PDGFB: variants seen among roughly 807,000 people sequenced by gnomAD.
PDGFB encodes the protein platelet derived growth factor subunit B, also known as platelet-derived growth factor subunit B.
PDGFB carries 6 observed loss-of-function variants against 29.0 expected under a neutral mutation model. The ratio of observed to expected loss-of-function variants is 0.21; its 90% CI spans 0.11 to 0.41. PDGFB has a LOEUF of 0.41. Among genes scored for constraint, PDGFB ranks in the 10% least tolerant of loss-of-function variants. The pLI is 1.00. For missense variants in PDGFB, 299 were observed against 341.8 expected, an observed-to-expected ratio of 0.87 and a Z score of 0.99; for synonymous variants, 144 against 140.8, an observed-to-expected ratio of 1.02 and a Z score of -0.16.
chr22:39,236,048 G>A (rs986850332), intron 1 of PDGFB, among the ~76,000 whole-genome samples, 174 bp from the exon 2 acceptor site: 1 of 152,214 alleles, frequency 6.6e-6, no homozygotes, highest in Non-Finnish European at 1.5e-5. Context: ...CTCGGGGCCT[G>A]GACCTGCCGA....
intron 1 of PDGFB, among the ~76,000 whole-genome samples, chr22:39,241,463 T>G (rs1932566996): frequency 1.3e-5 from 2 of 152,298 alleles, no homozygotes; most frequent in Admixed American, 6.5e-5. Flanking sequence ...CTTCATAAAC[T>G]GCAAAGTGCC....
In PDGFB at chr22:39,230,109, G is replaced by A. The variant is rs1229918721; in HGVS notation, c.576C>T (p.Ser192=). The stretch of plus-strand genomic sequence containing the variant: ...CTCGCTGCTCCTGGGAACCCCCCGG[G>A]CTTCGGGTCACAGGCCGTGCAGCTG... ...TVAAARPVTR[S]PGGSQEQRAK... Residue 192 remains serine, a synonymous_variant, in exon 5 of 7, where the codon AGC becomes AGT. Transcript: ENST00000331163. The A allele has an allele frequency of 1.2e-6, 2 of 1,613,834 alleles. No homozygotes were observed. Among genetic ancestry groups the A allele is most frequent in the South Asian group, 2.2e-5 (2 of 91,078 alleles).
chr22:39,237,061 G>A (rs1932462363), intron 1 of PDGFB, among the ~76,000 whole-genome samples: 1 of 152,158 alleles, frequency 6.6e-6, no homozygotes. Flanking sequence ...GGGGCTCAGA[G>A]GGGGTCGGTG....
intron 4 of PDGFB, 84 bp from the exon 5 acceptor site, chr22:39,230,312 C>G: frequency 7.3e-7 from 1 of 1,377,970 alleles, no homozygotes; most frequent in Non-Finnish European, 1.0e-6. Flanking sequence ...GCTTCCCACC[C>G]CGGTGTCCCC....
chr22:39,233,409 A>T (rs368381318), intron 3 of PDGFB, 26 bp downstream of exon 3: 1 of 1,547,156 alleles, frequency 6.5e-7, no homozygotes, highest in Non-Finnish European at 8.8e-7. Context: ...AATTTGAAGG[A>T]CCCTTGTTGG....
chr22:39,240,715 G>C, intron 1 of PDGFB: 1 of 972,236 alleles, frequency 1.0e-6, no homozygotes, highest in Non-Finnish European at 1.7e-6. Context: ...GGACCAGGAG[G>C]AAAGCTCTCT....
intron 3 of PDGFB, 116 bp downstream of exon 3, chr22:39,233,319 G>T: frequency 1.5e-6 from 1 of 672,770 alleles, no homozygotes; most frequent in South Asian, 1.8e-5. Flanking sequence ...TGAATGTGGG[G>T]GGAACGGGAG....
chr22:39,242,801 G>C lies in PDGFB; in HGVS notation c.63+1100C>G, dbSNP rs1177650170. 4.3e-6 allele frequency: 1 copy of C among 230,604 alleles called. No homozygotes were observed. The highest frequency in any genetic ancestry group is 2.2e-5 in the African/African-American group (1 of 44,788). 14.3% of individuals were successfully genotyped at this position (230,604 alleles called of 1,614,324 possible). On this transcript the variant is annotated intron_variant, in intron 1 of 6. Coordinates refer to ENST00000331163, the MANE Select transcript of PDGFB (RefSeq NM_002608.4). This position sits in a 1 kb window ranked among gnomAD's most constrained non-coding sequence, Gnocchi z 5.7. ...CCCTCCCCGGGAGCCGGCGAGGTGC[G>C]GGCGAGGTGCGGACTCCCGGCCGCA... is the stretch of plus-strand genomic sequence containing the variant.
At position 39,225,099 on chromosome 22, in the gene PDGFB, G is replaced by A. The variant is rs1045658509; in HGVS notation, c.*243C>T. The A allele has an allele frequency of 3.9e-5, 6 of 152,786 alleles. No individual in the cohort carries two copies. Among genetic ancestry groups the A allele is most frequent in the African/African-American group, 1.2e-4 (5 of 41,412 alleles). 9.5% of individuals were successfully genotyped at this position (152,786 alleles called of 1,614,324 possible). A position where few individuals can be genotyped will look rare whatever the true frequency, so the allele number is the denominator to read the frequency against. ...GTTAAGGGAAGAAGATGGCGATGGA[G>A]TTCAGTCCTTCTTTTTCTTCTTGAG... On this transcript the variant is annotated 3_prime_UTR_variant, in exon 7 of 7. Transcript: ENST00000331163.
At position 39,225,286 on chromosome 22, in the gene PDGFB, A is replaced by G. The variant is rs1932138456; in HGVS notation, c.*56T>C. 6.5e-6 allele frequency: 1 copy of G among 154,922 alleles called. No individual in the cohort carries two copies. The highest frequency in any genetic ancestry group is 2.4e-5 in the African/African-American group (1 of 41,480). The allele number at this position is 154,922 out of a possible 1,614,324, so 9.6% of individuals were successfully genotyped here. ...ATCACTCCAAGGACCCCATGGGGGC[A>G]ATACAGCAAATACCATATTAAATAA... On this transcript the variant is annotated 3_prime_UTR_variant, in exon 7 of 7. Coordinates refer to ENST00000331163, the MANE Select transcript of PDGFB (RefSeq NM_002608.4).
intron 4 of PDGFB, 116 bp from the exon 5 acceptor site, chr22:39,230,344 G>A (rs754178058): frequency 5.1e-5 from 53 of 1,031,908 alleles, no homozygotes; most frequent in Non-Finnish European, 7.2e-5. Context: ...TTCCTCGAAA[G>A]CCCGGAGAGC....
Position 39,231,928 on chromosome 22 carries a change from C to G in PDGFB, c.251-101G>C. ...GTGCCTCCGGGACTGCTCTTTCTCA[C>G]GCCCTTCAACCCCAGGGTTCAGGTT... On this transcript the variant is annotated intron_variant, in intron 3 of 6. Coordinates refer to ENST00000331163, the MANE Select transcript of PDGFB (RefSeq NM_002608.4). The surrounding 1 kb of genome is among the most constrained non-coding windows in gnomAD (Gnocchi z 4.3). The G allele has an allele frequency of 1.1e-6, 1 of 936,942 alleles. No individual in the cohort carries two copies. Among genetic ancestry groups the G allele is most frequent in the Non-Finnish European group, 1.6e-6 (1 of 626,506 alleles). The allele number at this position is 936,942 out of a possible 1,614,324, so 58.0% of individuals were successfully genotyped here.
intron 4 of PDGFB, 62 bp from the exon 5 acceptor site, chr22:39,230,290 C>G: frequency 1.9e-6 from 3 of 1,577,260 alleles, no homozygotes; most frequent in Non-Finnish European, 2.6e-6. Context: ...CCGGGAAGCC[C>G]GAATGGCTTG....
chr22:39,240,789 A>T, intron 1 of PDGFB: 3 of 1,558,470 alleles, frequency 1.9e-6, no homozygotes, highest in Non-Finnish European at 2.7e-6. Context: ...AGAACATAGG[A>T]AGAGTTGTCA....
intron 1 of PDGFB, among the ~76,000 whole-genome samples, chr22:39,239,432 C>G (rs535447451): frequency 4.6e-5 from 7 of 152,172 alleles, no homozygotes; most frequent in Non-Finnish European, 1.5e-5. Context: ...ACACTCAGCA[C>G]GTGCTCAGCT....
intron 2 of PDGFB, among the ~76,000 whole-genome samples, chr22:39,234,842 GT>G (rs1932401807): frequency 6.6e-6 from 1 of 152,198 alleles, no homozygotes; most frequent in Admixed American, 6.5e-5. Flanking sequence ...GGGTGGGGGT[GT>G]AAAGGCTTGG....
Position 39,242,256 on chromosome 22 carries a change from G to C in PDGFB, c.63+1645C>G, listed in dbSNP as rs1277783631. ...CGTCGCTCTGCGCGCCCGCCCGCCG[G>C]AGCGCAGCATCGCCTCCGGCCAGGA... On this transcript the variant is annotated intron_variant, in intron 1 of 6. Coordinates refer to ENST00000331163, the MANE Select transcript of PDGFB (RefSeq NM_002608.4). The surrounding 1 kb of genome is among the most constrained non-coding windows in gnomAD (Gnocchi z 5.7). 1 of 210,754 alleles carries C rather than the reference G, an allele frequency of 4.7e-6. No individual in the cohort carries two copies. Among genetic ancestry groups the C allele is most frequent in the African/African-American group, 2.3e-5 (1 of 44,084 alleles). The allele number at this position is 210,754 out of a possible 1,614,324, so 13.1% of individuals were successfully genotyped here. A position where few individuals can be genotyped will look rare whatever the true frequency, so the allele number is the denominator to read the frequency against.
intron 5 of PDGFB, among the ~76,000 whole-genome samples, chr22:39,228,359 T>G (rs1168873975): frequency 7.1e-6 from 1 of 140,926 alleles, no homozygotes. Context: ...GAGGCTGAGG[T>G]GGGAGGATCA....
chr22:39,236,309 T>C (rs900229302), intron 1 of PDGFB, among the ~76,000 whole-genome samples: 1 of 152,178 alleles, frequency 6.6e-6, no homozygotes, highest in African/African-American at 2.4e-5. Context: ...GAGGCTCAAT[T>C]ATTGGCAAAA....
Sources: gnomAD v4.1 joint callset for allele counts (sites outside exome capture counted in the v4.1 genomes callset) on GRCh38, gnomAD v4.1.1 for gene constraint, Gnocchi (gnomAD v3.1) non-coding constraint, MANE v1.5 for transcripts, NCBI Gene and HGNC (gene_info 2026-07-23, HGNC 2026-07-21) for gene names.